Variants in PKD1L1 observed in about 807,000 individuals in gnomAD.
The protein encoded by PKD1L1 is polycystin-1-like protein 1.
A neutral mutation model predicts 323.4 loss-of-function variants in PKD1L1; 236 were observed. The ratio of observed to expected loss-of-function variants is 0.73; its 90% CI spans 0.66 to 0.81. The LOEUF (loss-of-function observed/expected upper bound fraction) is 0.81, where lower values mean the gene tolerates loss of function less well. PKD1L1 is among the 40% of genes least tolerant of loss of function. The probability of loss-of-function intolerance (pLI) is 0.00; values close to 1 mark genes in which losing one functional copy is unlikely to be tolerated. For synonymous variants in PKD1L1, 1,344 were observed against 1,335.0 expected, an observed-to-expected ratio of 1.01 and a Z score of -0.15; for missense variants, 3,320 against 3,508.0, an observed-to-expected ratio of 0.95 and a Z score of 1.35.
At chr7:47,955,924 A>C in the PKD1L1 span, among the ~76,000 whole-genome samples, 1 of 152,246 alleles carries the variant, frequency 6.6e-6, no homozygotes, top group Admixed American at 6.5e-5. Context: ...TGTACTTAGA[A>C]GAAGCTCTAA....
chr7:47,796,266 T>C, intron 54 of PKD1L1, 116 bp from the exon 55 acceptor site: 1 of 1,026,934 alleles, frequency 9.7e-7, no homozygotes, highest in Non-Finnish European at 1.3e-6. Context: ...CTTTACGAGC[T>C]TTTGGTAAAA....
intron 13 of PKD1L1, among the ~76,000 whole-genome samples, chr7:47,899,375 GC>G (rs1787028022): frequency 6.6e-6 from 1 of 152,202 alleles, no homozygotes; most frequent in African/African-American, 2.4e-5. Flanking sequence ...TATACAAAAA[GC>G]ATATTTGCTC....
In PKD1L1 at chr7:47,876,196, A is replaced by T; in HGVS notation, c.3685T>A (p.Tyr1229Asn). 6.2e-7 allele frequency: 1 copy of T among 1,614,020 alleles called. No individual in the cohort carries two copies. The highest frequency in any genetic ancestry group is 8.5e-7 in the Non-Finnish European group (1 of 1,179,912). Residue 1229 changes from tyrosine to asparagine, a missense_variant, in exon 23 of 57, where the codon TAC becomes AAC. Physicochemically the swap from Tyr to Asn is moderately radical, Grantham distance 143. Coordinates refer to ENST00000289672, the MANE Select transcript of PKD1L1 (RefSeq NM_138295.5). ...TGTTTGGAGGTGTTTCCTATCTGGT[A>T]ACTAAATTCATAATGGAAGTCCTAT... ...GKPDFHYEFS[Y>N]QIGNTSKHTL...
intron 1 of PKD1L1, among the ~76,000 whole-genome samples, chr7:47,944,575 C>T (rs1475034895): frequency 2.6e-5 from 4 of 152,228 alleles, no homozygotes; most frequent in Non-Finnish European, 4.4e-5. Flanking sequence ...CACCCAAAGC[C>T]GATGCCAATT....
chr7:47,775,041 T>G lies in PKD1L1; in HGVS notation c.*102A>C. The G allele has an allele frequency of 7.9e-7, 1 of 1,258,090 alleles. No homozygotes were observed. Among genetic ancestry groups the G allele is most frequent in the Non-Finnish European group, 1.1e-6 (1 of 880,354 alleles). The allele number at this position is 1,258,090 out of a possible 1,614,324, so 77.9% of individuals were successfully genotyped here. ...AAAATTAACAAAACTTCTTCGTACC[T>G]CAGCTCTTCTCACCTGCAAAACTAG... is the stretch of plus-strand genomic sequence containing the variant. On this transcript the variant is annotated 3_prime_UTR_variant, in exon 57 of 57. Transcript: ENST00000289672.
At position 47,811,962 on chromosome 7, in the gene PKD1L1, TAG is replaced by T; in HGVS notation, c.7434_7435del (p.Tyr2479Ter). On this transcript the variant is annotated frameshift_variant, in exon 50 of 57. Coordinates refer to ENST00000289672, the MANE Select transcript of PKD1L1 (RefSeq NM_138295.5). LOFTEE classifies it high-confidence loss of function. ...GGTGAAGAGTTGGGTTGGAGGGTTA[TAG>T]AGAGTGAAGTGCACAGACACAGCCC... 1 of 1,602,108 alleles carries T rather than the reference TAG, an allele frequency of 6.2e-7. No individual in the cohort carries two copies. Among genetic ancestry groups the T allele is most frequent in the South Asian group, 1.1e-5 (1 of 88,534 alleles).
At chr7:47,801,967 G>A (rs1487101959) in intron 53 of PKD1L1, among the ~76,000 whole-genome samples, 1 of 152,062 alleles carries the variant, frequency 6.6e-6, no homozygotes, top group Non-Finnish European at 1.5e-5. Flanking sequence ...CGAGGCGGGC[G>A]GATCACGAGG....
intron 7 of PKD1L1, 96 bp downstream of exon 7, chr7:47,929,108 G>T: frequency 7.8e-7 from 1 of 1,282,200 alleles, no homozygotes; most frequent in Non-Finnish European, 1.1e-6. Flanking sequence ...CAGAGAAACG[G>T]AATGCAGTTT....
intron 32 of PKD1L1, among the ~76,000 whole-genome samples, chr7:47,846,031 C>A (rs931627173): frequency 1.3e-5 from 2 of 152,150 alleles, no homozygotes; most frequent in African/African-American, 4.8e-5. Flanking sequence ...TGGATGTGCT[C>A]CTAGCAATGG....
intron 33 of PKD1L1, 133 bp from the exon 34 acceptor site, chr7:47,843,302 T>C (rs1188047104): frequency 2.8e-6 from 2 of 713,738 alleles, no homozygotes; most frequent in East Asian, 2.7e-5. Context: ...TTACACTTGC[T>C]GGAAGCTGAG....
intron 46 of PKD1L1, among the ~76,000 whole-genome samples, chr7:47,818,441 C>T (rs752812068): frequency 1.3e-5 from 2 of 152,222 alleles, no homozygotes; most frequent in Non-Finnish European, 2.9e-5. Context: ...AAAGTATAGA[C>T]ATTATAGCCA....
chr7:47,935,995 A>C (rs1225182865), intron 4 of PKD1L1, among the ~76,000 whole-genome samples: 3 of 152,234 alleles, frequency 2.0e-5, no homozygotes, highest in African/African-American at 7.2e-5. Context: ...TTTTTCCTTT[A>C]AGAAAGAAAA....
intron 45 of PKD1L1, among the ~76,000 whole-genome samples, chr7:47,824,355 C>T (rs1224412940): frequency 6.6e-6 from 1 of 152,152 alleles, no homozygotes; most frequent in Non-Finnish European, 1.5e-5. Context: ...AAGAATTCCA[C>T]TTTTAAAGGA....
intron 31 of PKD1L1, among the ~76,000 whole-genome samples, chr7:47,851,398 T>G (rs953988835): frequency 1.3e-5 from 2 of 152,098 alleles, no homozygotes; most frequent in Non-Finnish European, 2.9e-5. Flanking sequence ...ACTAAACACA[T>G]TGAATTTTTT....
chr7:47,830,023 TGGAG>T lies in PKD1L1; in HGVS notation c.6558+13_6558+16del. On this transcript the variant is annotated intron_variant, in intron 43 of 56. Coordinates refer to ENST00000289672, the MANE Select transcript of PKD1L1 (RefSeq NM_138295.5). ...CTGCTGATGGAAGGCACTTCTACCA[TGGAG>T]GGTGTTTCTTACCATAAGTGGCTGG... The T allele has an allele frequency of 1.2e-6, 2 of 1,610,940 alleles. No homozygotes were observed. Among genetic ancestry groups the T allele is most frequent in the Non-Finnish European group, 1.7e-6 (2 of 1,177,174 alleles).
chr7:47,896,980 AG>A (rs984293873), intron 14 of PKD1L1, among the ~76,000 whole-genome samples: 4 of 152,190 alleles, frequency 2.6e-5, no homozygotes, highest in Non-Finnish European at 5.9e-5. Context: ...CTGCTGGGAA[AG>A]CTCTGCTTTT....
intron 53 of PKD1L1, 107 bp downstream of exon 53, chr7:47,803,103 C>T (rs113758221): frequency 7.1e-5 from 97 of 1,362,334 alleles, no homozygotes; most frequent in African/African-American, 6.2e-4. Flanking sequence ...GAATTCTAGA[C>T]GGTGTTTAAC....
chr7:47,835,270 CA>C (rs776187313), intron 37 of PKD1L1, 27 bp from the exon 38 acceptor site: 1 of 1,471,584 alleles, frequency 6.8e-7, no homozygotes, highest in Non-Finnish European at 9.3e-7. Context: ...GCAGCCATTA[CA>C]TCAACTCAAT....
At chr7:47,951,919 C>T (rs1302818727), upstream of PKD1L1, among the ~76,000 whole-genome samples, 2 of 152,134 alleles carry the variant, frequency 1.3e-5, no homozygotes, top group African/African-American at 4.8e-5. Flanking sequence ...TGGAGCTTCC[C>T]GGGAAAGCAC....
Sources: allele counts gnomAD v4.1 joint callset (sites outside exome capture counted in the v4.1 genomes callset), GRCh38; gene constraint gnomAD v4.1.1; transcripts MANE v1.5; gene names NCBI Gene and HGNC (gene_info 2026-07-23, HGNC 2026-07-21).